ZFHX3: variants seen among roughly 807,000 people sequenced by gnomAD.
ZFHX3 encodes the protein zinc finger homeobox protein 3.
Under a neutral mutation model 279.1 loss-of-function variants are expected in ZFHX3, and 42 were observed. That is an observed-to-expected ratio of 0.15 (90% CI 0.12 to 0.19). The LOEUF is 0.19. Among genes scored for constraint, ZFHX3 ranks in the 10% least tolerant of loss-of-function variants. The pLI is 1.00. For missense variants in ZFHX3, 4,981 were observed against 4,754.0 expected, an observed-to-expected ratio of 1.05 and a Z score of -1.40; for synonymous variants, 2,293 against 1,957.8, an observed-to-expected ratio of 1.17 and a Z score of -4.52.
intron 5 of ZFHX3, among the ~76,000 whole-genome samples, chr16:73,219,219 G>A (rs2012321876): frequency 6.6e-6 from 1 of 152,216 alleles, no homozygotes; most frequent in Non-Finnish European, 1.5e-5. Flanking sequence ...GTTCTTGGAT[G>A]TGGTTTTTGC....
intron 1 of ZFHX3, among the ~76,000 whole-genome samples, chr16:72,974,331 C>G (rs12325562): frequency 6.6e-6 from 1 of 152,196 alleles, no homozygotes; most frequent in East Asian, 1.9e-4. Context: ...AAATGGCACA[C>G]ACAGGACAAT....
At chr16:73,139,204 C>T (rs995626376) in intron 6 of ZFHX3, among the ~76,000 whole-genome samples, 1 of 152,188 alleles carries the variant, frequency 6.6e-6, no homozygotes, top group Non-Finnish European at 1.5e-5. Context: ...GTATATCCAA[C>T]ACTGGAATGC....
intron 3 of ZFHX3, among the ~76,000 whole-genome samples, chr16:72,950,208 G>A (rs754945410): frequency 2.6e-5 from 4 of 151,990 alleles, no homozygotes; most frequent in East Asian, 1.9e-4. Flanking sequence ...CCCTAGAGGC[G>A]CTGTCAACAA....
intron 2 of ZFHX3, among the ~76,000 whole-genome samples, chr16:73,540,873 C>T (rs1284989769): frequency 6.6e-6 from 1 of 152,140 alleles, no homozygotes; most frequent in African/African-American, 2.4e-5. Context: ...TGAGCCTAGG[C>T]CCACAGAGAG....
Position 73,283,584 on chromosome 16 carries a change from G to A in ZFHX3, c.-1193-26448C>T, listed in dbSNP as rs548346162. Among the ~76,000 whole-genome samples, 5 of 152,300 alleles carry A rather than the reference G, an allele frequency of 3.3e-5. No homozygotes were observed. The East Asian group carries it at 7.7e-4, about 23-fold the overall frequency. On this transcript the variant is annotated intron_variant, in intron 4 of 17. Coordinates refer to the ZFHX3 transcript ENST00000641206. ...CATCCACCAATGAAAGTTCCCTAAT[G>A]GAGTAAGAGGTCACAGGCATGTTGT... is the stretch of plus-strand genomic sequence containing the variant.
chr16:73,707,908 G>A (rs1221786903), intron 1 of ZFHX3, among the ~76,000 whole-genome samples: 5 of 152,086 alleles, frequency 3.3e-5, no homozygotes, highest in Non-Finnish European at 5.9e-5. Flanking sequence ...AGCTTGAAGA[G>A]GCACACACAG....
chr16:73,128,722 G>C (rs1199808203), intron 7 of ZFHX3, among the ~76,000 whole-genome samples: 1 of 152,142 alleles, frequency 6.6e-6, no homozygotes, highest in Non-Finnish European at 1.5e-5. Context: ...TGTAGAGTTT[G>C]ATCCTGTCTG....
At chr16:73,807,465 C>T (rs966896220) in intron 1 of ZFHX3, among the ~76,000 whole-genome samples, 1 of 151,976 alleles carries the variant, frequency 6.6e-6, no homozygotes, top group South Asian at 2.1e-4. Context: ...TTAAAAGCTG[C>T]TAAAAATGAT....
intron 2 of ZFHX3, among the ~76,000 whole-genome samples, chr16:73,565,990 G>A (rs538762610): frequency 3.3e-5 from 5 of 152,172 alleles, no homozygotes; most frequent in Admixed American, 1.3e-4. Flanking sequence ...GAGTTCTGAC[G>A]ATACTTGGAT....
At chr16:73,115,055 C>T (rs779345849) in intron 7 of ZFHX3, among the ~76,000 whole-genome samples, 6 of 151,982 alleles carry the variant, frequency 3.9e-5, no homozygotes, top group Non-Finnish European at 8.8e-5. Context: ...TCTCCCTAGG[C>T]CTTCTTTGTT....
chr16:73,467,174 C>T (rs1397515216), intron 2 of ZFHX3, among the ~76,000 whole-genome samples: 1 of 152,100 alleles, frequency 6.6e-6, no homozygotes, highest in Non-Finnish European at 1.5e-5. Context: ...AATCAGGAGT[C>T]AGGAAAAGAG....
intron 7 of ZFHX3, among the ~76,000 whole-genome samples, chr16:73,100,577 C>CTTT (rs368465486): frequency 3.5e-5 from 5 of 143,622 alleles, no homozygotes; most frequent in South Asian, 2.2e-4. Flanking sequence ...GAATTCCCCT[C>CTTT]TTTTTTTTTT....
At chr16:73,625,752 T>C (rs1024269829) in intron 2 of ZFHX3, among the ~76,000 whole-genome samples, 5 of 152,242 alleles carry the variant, frequency 3.3e-5, no homozygotes, top group African/African-American at 1.2e-4. Flanking sequence ...AATCTGCATG[T>C]CTAACAAGCT....
chr16:73,416,112 G>A, intron 3 of ZFHX3, among the ~76,000 whole-genome samples: 1 of 125,260 alleles, frequency 8.0e-6, no homozygotes, highest in African/African-American at 3.4e-5. Flanking sequence ...ACAAGAGCAA[G>A]ACTCCATCTC....
intron 1 of ZFHX3, among the ~76,000 whole-genome samples, chr16:73,761,776 C>T (rs1189001928): frequency 6.6e-6 from 1 of 152,002 alleles, no homozygotes; most frequent in Non-Finnish European, 1.5e-5. Flanking sequence ...TAACTGGTAG[C>T]CATATGCAGA....
At chr16:73,028,800 T>C (rs960957722) in intron 1 of ZFHX3, among the ~76,000 whole-genome samples, 1 of 152,130 alleles carries the variant, frequency 6.6e-6, no homozygotes, top group East Asian at 1.9e-4. Context: ...CACCCAAAAT[T>C]TGCCTAATTG....
intron 2 of ZFHX3, among the ~76,000 whole-genome samples, chr16:73,458,890 G>A (rs1423758423): frequency 2.0e-5 from 3 of 152,110 alleles, no homozygotes; most frequent in Non-Finnish European, 4.4e-5. Flanking sequence ...ACCTCCGTAC[G>A]ATGACATGGA....
At chr16:73,757,313 A>G (rs1713116376) in intron 1 of ZFHX3, among the ~76,000 whole-genome samples, 1 of 152,068 alleles carries the variant, frequency 6.6e-6, no homozygotes, top group African/African-American at 2.4e-5. Flanking sequence ...CTGGATAGCA[A>G]CCCTAACTCT....
At chr16:73,565,825 A>G (rs1789427908) in intron 2 of ZFHX3, among the ~76,000 whole-genome samples, 1 of 152,222 alleles carries the variant, frequency 6.6e-6, no homozygotes, top group Admixed American at 6.5e-5. Flanking sequence ...GATGCAACTT[A>G]CATCCTGTGC....
Sources: gnomAD v4.1 joint callset for allele counts (sites outside exome capture counted in the v4.1 genomes callset) on GRCh38, gnomAD v4.1.1 for gene constraint, MANE v1.5 for transcripts, NCBI Gene and HGNC (gene_info 2026-07-23, HGNC 2026-07-21) for gene names.